The following SLC9A6 variants were observed in gnomAD, a reference collection of about 807,000 sequenced individuals.
The protein encoded by SLC9A6 is solute carrier family 9 member A6, also known as sodium/hydrogen exchanger 6.
SLC9A6 carries 6 observed loss-of-function variants against 45.3 expected under a neutral mutation model. The observed-to-expected ratio is 0.13, with a 90% CI of 0.07 to 0.26. The LOEUF is 0.26. SLC9A6 is among the 10% of genes least tolerant of loss of function. The pLI, the probability that SLC9A6 is intolerant of heterozygous loss-of-function variation, is 1.00. For synonymous variants in SLC9A6, 191 were observed against 187.7 expected, an observed-to-expected ratio of 1.02 and a Z score of -0.14; for missense variants, 278 against 503.7, an observed-to-expected ratio of 0.55 and a Z score of 4.29.
chrX:136,039,995 C>A, intron 16 of SLC9A6, 81 bp from the exon 17 acceptor site: 1 of 775,719 alleles, frequency 1.3e-6, no homozygotes, highest in Non-Finnish European at 2.0e-6. Context: ...GGTTACTATA[C>A]TATGATGGTG....
chrX:136,021,627 A>T (rs1454489073), intron 11 of SLC9A6, among the ~76,000 whole-genome samples: 1 of 112,060 alleles, frequency 8.9e-6, no homozygotes, highest in African/African-American at 3.2e-5. Flanking sequence ...CCTGGGTTCA[A>T]GCAATTCTCG....
At chrX:135,990,917 A>G (rs1432488597) in intron 2 of SLC9A6, among the ~76,000 whole-genome samples, 1 of 111,941 alleles carries the variant, frequency 8.9e-6, no homozygotes, top group African/African-American at 3.3e-5. Context: ...GCTTTTACTG[A>G]GCCTCTTAAT....
intron 7 of SLC9A6, among the ~76,000 whole-genome samples, chrX:136,003,010 C>T (rs781970369): frequency 3.4e-4 from 34 of 101,322 alleles, no homozygotes; most frequent in African/African-American, 1.2e-3. Flanking sequence ...TTTTTTGAGA[C>T]GAAGTCTCGC....
At chrX:136,027,677 A>G (rs1556620684) in intron 13 of SLC9A6, among the ~76,000 whole-genome samples, 1 of 112,252 alleles carries the variant, frequency 8.9e-6, no homozygotes, top group African/African-American at 3.2e-5. Flanking sequence ...ATTTACAAAA[A>G]CAGAAGAGGT....
intron 16 of SLC9A6, among the ~76,000 whole-genome samples, chrX:136,037,987 AT>A (rs1287431539): frequency 3.6e-5 from 4 of 110,269 alleles, no homozygotes; most frequent in Admixed American, 1.9e-4. Context: ...ATGACTAATT[AT>A]TTTTTTTTCT....
At chrX:136,043,971 C>T (rs782093948) in intron 17 of SLC9A6, among the ~76,000 whole-genome samples, 7 of 111,665 alleles carry the variant, frequency 6.3e-5, no homozygotes, top group Non-Finnish European at 1.3e-4. Flanking sequence ...CTCTAAGCCT[C>T]TTGAGGGCAG....
chrX:135,988,791 C>T (rs1309146428), intron 2 of SLC9A6, among the ~76,000 whole-genome samples: 1 of 107,661 alleles, frequency 9.3e-6, no homozygotes, highest in Non-Finnish European at 1.9e-5. Context: ...TTTGTGGTGA[C>T]GCGAGTGTGG....
At position 135,985,622 on chromosome X, in the gene SLC9A6, A is replaced by G. The variant is rs1450464540; in HGVS notation, c.-37A>G. The G allele has an allele frequency of 8.3e-7, 1 of 1,207,123 alleles. No homozygotes were observed. Among genetic ancestry groups the G allele is most frequent in the Non-Finnish European group, 1.1e-6 (1 of 894,158 alleles). ...TCGCAGTGGGCGTCTTTGACTGGGC[A>G]GGGGCTTCGGACGGCGGCGGCGGAG... On this transcript the variant is annotated 5_prime_UTR_variant, in exon 2 of 18. Coordinates refer to ENST00000630721, the MANE Select transcript of SLC9A6 (RefSeq NM_001379110.1).
At chrX:136,034,844 AT>A (rs2071387084) in intron 16 of SLC9A6, among the ~76,000 whole-genome samples, 1 of 111,831 alleles carries the variant, frequency 8.9e-6, no homozygotes, top group African/African-American at 3.2e-5. Context: ...TTTTTTAAAG[AT>A]TATGTCATTA....
intron 3 of SLC9A6, among the ~76,000 whole-genome samples, chrX:135,997,648 T>G (rs1330463400): frequency 2.1e-5 from 2 of 95,399 alleles, no homozygotes; most frequent in Non-Finnish European, 4.1e-5. Flanking sequence ...CTTCAGGTGA[T>G]CCGCCCATCC....
Position 136,028,903 on chromosome X carries a change from G to A in SLC9A6, c.1478G>A (p.Trp493Ter). ...CLHIRYCARL[W>*]GYRDELRHGL... is the part of the protein sequence containing the mutation. ...TGTGTCAGGTACTGTGCTAGACTCT[G>A]GGGATACAGAGATGAATTGAGACAT... The change falls in exon 14 of 18, where the codon TGG becomes TAG. Residue 493 changes from tryptophan to a stop codon, truncating the protein, a stop_gained. Coordinates refer to ENST00000630721, the MANE Select transcript of SLC9A6 (RefSeq NM_001379110.1). LOFTEE classifies it high-confidence loss of function. 1 of 297,006 alleles carries A rather than the reference G, an allele frequency of 3.4e-6. No homozygotes were observed. The highest frequency in any genetic ancestry group is 6.1e-5 in the Admixed American group (1 of 16,424). 24.5% of individuals were successfully genotyped at this position (297,006 alleles called of 1,213,427 possible). A position where few individuals can be genotyped will look rare whatever the true frequency, so the allele number is the denominator to read the frequency against.
In SLC9A6 at chrX:135,985,577, GCGGCCC is replaced by G; in HGVS notation, c.-56-24_-56-19del. On this transcript the variant is annotated intron_variant, in intron 1 of 17. Coordinates refer to ENST00000630721, the MANE Select transcript of SLC9A6 (RefSeq NM_001379110.1). ...GCAGTCCCCGAGCCCGCAGGCTCATGCGGCCCCTTTGGTTGCTCCTCGCAGTGGGCG... is the reference window on the plus strand; with the variant it reads ...GCAGTCCCCGAGCCCGCAGGCTCATGCTTTGGTTGCTCCTCGCAGTGGGCG... 1 of 1,205,594 alleles carries G rather than the reference GCGGCCC, an allele frequency of 8.3e-7. No homozygotes were observed.
At chrX:136,014,758 C>T (rs1556619076) in intron 10 of SLC9A6, among the ~76,000 whole-genome samples, 1 of 112,921 alleles carries the variant, frequency 8.9e-6, no homozygotes, top group Non-Finnish European at 1.9e-5. Context: ...GAGCGAGACT[C>T]TGTCTCAAGA....
At chrX:136,013,496 CT>C (rs2070961929) in intron 10 of SLC9A6, 59 bp downstream of exon 10, 5 of 810,459 alleles carry the variant, frequency 6.2e-6, no homozygotes, top group East Asian at 6.6e-5. Context: ...AAATAGAAGT[CT>C]TTTTTACTAA....
At chrX:136,022,532 C>A in intron 11 of SLC9A6, 54 bp from the exon 12 acceptor site, 1 of 783,034 alleles carries the variant, frequency 1.3e-6, no homozygotes, top group Non-Finnish European at 1.9e-6. Context: ...AGTGTATAGT[C>A]TAAATAATAT....
intron 16 of SLC9A6, among the ~76,000 whole-genome samples, chrX:136,039,327 A>G (rs2071467576): frequency 9.0e-6 from 1 of 111,195 alleles, no homozygotes; most frequent in Non-Finnish European, 1.9e-5. Context: ...GAATAAATAA[A>G]TAAAGTGGGG....
At chrX:136,023,351 A>G (rs1414836393) in intron 12 of SLC9A6, among the ~76,000 whole-genome samples, 1 of 103,060 alleles carries the variant, frequency 9.7e-6, no homozygotes, top group Non-Finnish European at 2.0e-5. Context: ...AGGTGAATGT[A>G]TAGCAGTTCT....
chrX:135,984,665 G>T (rs112810828), upstream of SLC9A6, among the ~76,000 whole-genome samples: 1,231 of 111,303 alleles, frequency 0.011, 17 homozygotes, highest in African/African-American at 0.039. Context: ...GAGAGATAGG[G>T]GTCAAGGGTG....
upstream of SLC9A6, chrX:135,974,610 T>G (rs1262480891): frequency 8.9e-6 from 3 of 338,118 alleles, no homozygotes; most frequent in African/African-American, 8.1e-5. Flanking sequence ...TGGCTTTTTG[T>G]GAAACTGTGC....
Sources: gnomAD v4.1 joint callset for allele counts (sites outside exome capture counted in the v4.1 genomes callset) on GRCh38, gnomAD v4.1.1 for gene constraint, MANE v1.5 for transcripts, NCBI Gene and HGNC (gene_info 2026-07-23, HGNC 2026-07-21) for gene names.